MCU: variants seen among roughly 807,000 people sequenced by gnomAD.
MCU encodes calcium uniporter protein, mitochondrial.
MCU carries 12 observed loss-of-function variants against 45.2 expected under a neutral mutation model. The ratio of observed to expected loss-of-function variants is 0.27; its 90% CI spans 0.17 to 0.43. The LOEUF (loss-of-function observed/expected upper bound fraction) is 0.43. MCU is among the 20% of genes least tolerant of loss of function. The pLI, the probability that MCU is intolerant of heterozygous loss-of-function variation, is 1.00. For synonymous variants in MCU, 160 were observed against 165.1 expected (o/e 0.97, Z 0.24); for missense variants, 324 against 436.7 (o/e 0.74, Z 2.30).
At chr10:72,805,491 C>T (rs1589470624) in intron 1 of MCU, among the ~76,000 whole-genome samples, 1 of 152,088 alleles carries the variant, frequency 6.6e-6, no homozygotes, top group South Asian at 2.1e-4. Flanking sequence ...AGGCAATCCG[C>T]CCACCTCAGC....
At chr10:72,810,792 G>C (rs1844532346) in intron 1 of MCU, among the ~76,000 whole-genome samples, 1 of 152,070 alleles carries the variant, frequency 6.6e-6, no homozygotes, top group Admixed American at 6.6e-5. Flanking sequence ...ACTGCGCCTG[G>C]TCTGTGTTGC....
chr10:72,861,887 A>G, intron 4 of MCU: 1 of 277,722 alleles, frequency 3.6e-6, no homozygotes, highest in Non-Finnish European at 7.1e-6. Context: ...AGACAGAGTC[A>G]GTATTACTAA....
chr10:72,859,277 T>A lies in MCU; in HGVS notation c.321T>A (p.Ser107=), dbSNP rs201168688. The change falls in exon 3 of 8, where the codon TCT becomes TCA. Residue 107 remains serine, a synonymous_variant. Transcript: ENST00000373053. The part of the protein sequence containing the change: ...CQFTLKPISD[S]VGVFLRQLQE... ...TCACACTCAAGCCTATCTCTGACTC[T>A]GTTGGTGTATTTTTACGACAACTGC... 1.9e-6 allele frequency: 3 copies of A among 1,613,996 alleles called. No individual in the cohort carries two copies. The highest frequency in any genetic ancestry group is 2.5e-6 in the Non-Finnish European group (3 of 1,179,972).
chr10:72,829,146 C>G (rs1471652706), intron 1 of MCU, among the ~76,000 whole-genome samples: 1 of 151,990 alleles, frequency 6.6e-6, no homozygotes, highest in Non-Finnish European at 1.5e-5. Context: ...CATGGTGAAA[C>G]CCTGTCTCTA....
intron 1 of MCU, among the ~76,000 whole-genome samples, chr10:72,804,450 A>G (rs1248035812): frequency 6.6e-6 from 1 of 152,142 alleles, no homozygotes; most frequent in Admixed American, 6.6e-5. Context: ...AAGAAAAACA[A>G]AACATTTTAA....
At chr10:72,757,512 G>A (rs1382420971) in intron 1 of MCU, among the ~76,000 whole-genome samples, 1 of 152,044 alleles carries the variant, frequency 6.6e-6, no homozygotes, top group East Asian at 1.9e-4. Context: ...TAAGAGGTGC[G>A]AGCCTGTGTG....
At chr10:72,743,702 A>G (rs556318841) in intron 1 of MCU, among the ~76,000 whole-genome samples, 1 of 152,320 alleles carries the variant, frequency 6.6e-6, no homozygotes, top group Admixed American at 6.5e-5. Context: ...AATACAGATT[A>G]ATTTTGCATT....
intron 2 of MCU, among the ~76,000 whole-genome samples, chr10:72,850,571 G>T (rs1845193156): frequency 6.6e-6 from 1 of 152,014 alleles, no homozygotes; most frequent in African/African-American, 2.4e-5. Flanking sequence ...ACAAGCATTT[G>T]TATTTTATGA....
rs184360928 is a variant in MCU, at chr10:72,778,877, A to G, written c.151-55482A>G. ...CGAAAAAAAAAATTTCAGTGGGGAA[A>G]AAAAACTTACTGCAAAGCAACAGTA... is the stretch of plus-strand genomic sequence containing the variant. On this transcript the variant is annotated intron_variant, in intron 1 of 7. Coordinates refer to ENST00000373053, the MANE Select transcript of MCU (RefSeq NM_138357.3). Among the ~76,000 whole-genome samples the G allele has an allele frequency of 4.5e-3, 683 of 152,350 alleles. 4 individuals are homozygous for G. The highest frequency in any genetic ancestry group is 0.016 in the African/African-American group (650 of 41,588).
intron 6 of MCU, among the ~76,000 whole-genome samples, chr10:72,876,033 T>A (rs1054483582): frequency 2.0e-5 from 3 of 152,056 alleles, no homozygotes; most frequent in Non-Finnish European, 4.4e-5. Context: ...AGGAAAAAAA[T>A]GCCTTAAAAA....
At chr10:72,804,062 A>G (rs1844388036) in intron 1 of MCU, among the ~76,000 whole-genome samples, 1 of 78,650 alleles carries the variant, frequency 1.3e-5, no homozygotes, top group Non-Finnish European at 2.4e-5. Flanking sequence ...ATATATATAT[A>G]TATATATATA....
intron 2 of MCU, among the ~76,000 whole-genome samples, chr10:72,848,730 A>ATG (rs67441573): frequency 0.56 from 84,326 of 150,994 alleles, 24,810 homozygotes; most frequent in Non-Finnish European, 0.67. Flanking sequence ...ATGTTTGTGT[A>ATG]TGTGTGTGTG....
chr10:72,692,530 A>G, intron 1 of MCU: 1 of 1,045,758 alleles, frequency 9.6e-7, no homozygotes, highest in Non-Finnish European at 1.2e-6. Flanking sequence ...GACGGCGGGG[A>G]TGTTCCCGCA....
intron 1 of MCU, chr10:72,715,919 A>T (rs1049920588): frequency 8.6e-5 from 85 of 982,992 alleles, no homozygotes; most frequent in Non-Finnish European, 1.0e-4. Context: ...GAAGATCATG[A>T]TTCATAAGCA....
intron 2 of MCU, among the ~76,000 whole-genome samples, chr10:72,847,963 T>G (rs547446000): frequency 1.3e-5 from 2 of 152,184 alleles, no homozygotes; most frequent in African/African-American, 2.4e-5. Flanking sequence ...CTAGAGCAAG[T>G]GTACAAGAGA....
chr10:72,819,239 A>G (rs188925884), intron 1 of MCU, among the ~76,000 whole-genome samples: 4 of 152,332 alleles, frequency 2.6e-5, no homozygotes, highest in African/African-American at 9.6e-5. Context: ...CAAGTTTGCT[A>G]CTTTGAGGAA....
chr10:72,704,778 G>A (rs374298338), intron 1 of MCU, among the ~76,000 whole-genome samples: 1 of 144,286 alleles, frequency 6.9e-6, no homozygotes, highest in Non-Finnish European at 1.5e-5. Flanking sequence ...GCAGTGGCGC[G>A]ATCTCGACTC....
At chr10:72,711,708 CTTTTTTTTTT>C (rs759213032) in intron 1 of MCU, among the ~76,000 whole-genome samples, 1 of 114,660 alleles carries the variant, frequency 8.7e-6, no homozygotes, top group Non-Finnish European at 1.8e-5. Context: ...GACTGTGTTT[CTTTTTTTTTT>C]TTTTTTTTTT....
chr10:72,787,433 T>A (rs1027746194), intron 1 of MCU, among the ~76,000 whole-genome samples: 1 of 152,010 alleles, frequency 6.6e-6, no homozygotes, highest in African/African-American at 2.4e-5. Flanking sequence ...CATGCCCAGC[T>A]AATTTTTGTA....
Sources: allele counts gnomAD v4.1 joint callset (sites outside exome capture counted in the v4.1 genomes callset), GRCh38; gene constraint gnomAD v4.1.1; transcripts MANE v1.5; gene names NCBI Gene and HGNC (gene_info 2026-07-23, HGNC 2026-07-21).